Variants in NALF1 observed in about 807,000 individuals in gnomAD.
NALF1 encodes the protein NALCN channel auxiliary factor 1, also known as family with sequence similarity 155 member A.
A neutral mutation model predicts 48.4 loss-of-function variants in NALF1; 3 were observed. The ratio of observed to expected loss-of-function variants is 0.06; its 90% CI spans 0.03 to 0.16. The LOEUF (loss-of-function observed/expected upper bound fraction) is 0.16, where lower values mean the gene tolerates loss of function less well. Among genes scored for constraint, NALF1 ranks in the 10% least tolerant of loss-of-function variants. The probability of loss-of-function intolerance (pLI) is 1.00; values close to 1 mark genes in which losing one functional copy is unlikely to be tolerated. For synonymous variants in NALF1, 262 were observed against 245.7 expected (o/e 1.07, Z -0.62); for missense variants, 526 against 571.5 (o/e 0.92, Z 0.81).
intron 1 of NALF1, among the ~76,000 whole-genome samples, chr13:107,625,765 C>T (rs1282975261): frequency 2.0e-5 from 3 of 152,104 alleles, no homozygotes; most frequent in Non-Finnish European, 4.4e-5. Context: ...ACTGGAGCTA[C>T]ACTACACCAA....
chr13:107,693,493 A>C (rs1881621587), intron 1 of NALF1, among the ~76,000 whole-genome samples: 1 of 152,166 alleles, frequency 6.6e-6, no homozygotes, highest in Non-Finnish European at 1.5e-5. Context: ...ATAAAAAAAC[A>C]GTATACTTCT....
rs56053087 is a variant in NALF1, at chr13:107,593,818, G to GAAAAAA, written c.915+271858_915+271863dup. Among the ~76,000 whole-genome samples, 226 of 146,274 alleles carry GAAAAAA rather than the reference G, an allele frequency of 1.5e-3. 1 individual carries two copies. The highest frequency in any genetic ancestry group is 5.3e-3 in the African/African-American group (213 of 40,088). ...ACTGCTTCTGGAATGTTTTCAACAG[G>GAAAAAA]AAAAAAAAAAAAACAGAAACGGAAA... On this transcript the variant is annotated intron_variant, in intron 1 of 2. Transcript: ENST00000375915.
intron 1 of NALF1, among the ~76,000 whole-genome samples, chr13:107,645,869 T>C (rs1268534065): frequency 6.6e-6 from 1 of 152,140 alleles, no homozygotes; most frequent in Non-Finnish European, 1.5e-5. Context: ...CCGAGTATCA[T>C]AGCAAAATTC....
At chr13:107,325,489 A>C (rs939764914) in intron 1 of NALF1, among the ~76,000 whole-genome samples, 2 of 152,090 alleles carry the variant, frequency 1.3e-5, no homozygotes, top group Admixed American at 1.3e-4. Context: ...CAAATGGAAG[A>C]CTTGATTTTT....
chr13:107,439,359 C>T (rs1419990023), intron 1 of NALF1, among the ~76,000 whole-genome samples: 1 of 152,236 alleles, frequency 6.6e-6, no homozygotes, highest in Non-Finnish European at 1.5e-5. Context: ...AGGACCAGCA[C>T]TAACAAACCT....
intron 1 of NALF1, among the ~76,000 whole-genome samples, chr13:107,856,311 A>G (rs16971349): frequency 0.039 from 5,958 of 152,296 alleles, 283 homozygotes; most frequent in East Asian, 0.23. Flanking sequence ...TGTGAAACCA[A>G]TGGAGAAAGG....
At chr13:107,387,333 C>T (rs1231018504) in intron 1 of NALF1, among the ~76,000 whole-genome samples, 1 of 152,116 alleles carries the variant, frequency 6.6e-6, no homozygotes, top group Admixed American at 6.6e-5. Flanking sequence ...GCTTCCGTCC[C>T]AAGTTCAACC....
intron 1 of NALF1, among the ~76,000 whole-genome samples, chr13:107,280,662 T>C (rs975586587): frequency 6.6e-6 from 1 of 152,226 alleles, no homozygotes; most frequent in African/African-American, 2.4e-5. Context: ...TTTATTTTCA[T>C]GAAAACTCAA....
chr13:107,625,781 C>T (rs1161015619), intron 1 of NALF1, among the ~76,000 whole-genome samples: 1 of 152,022 alleles, frequency 6.6e-6, no homozygotes, highest in Non-Finnish European at 1.5e-5. Context: ...ACCAACAAAA[C>T]CTGTTGAAAA....
At chr13:107,795,448 C>G (rs2138591124) in intron 1 of NALF1, among the ~76,000 whole-genome samples, 1 of 152,226 alleles carries the variant, frequency 6.6e-6, no homozygotes, top group East Asian at 1.9e-4. Flanking sequence ...GTCCATCCCT[C>G]TCTAGTTTAA....
intron 1 of NALF1, among the ~76,000 whole-genome samples, chr13:107,215,984 T>C (rs1282839408): frequency 6.6e-6 from 1 of 152,250 alleles, no homozygotes; most frequent in Non-Finnish European, 1.5e-5. Flanking sequence ...TCATGTTGGC[T>C]ATATATTTTA....
intron 1 of NALF1, among the ~76,000 whole-genome samples, chr13:107,438,012 A>G (rs1007715044): frequency 1.3e-5 from 2 of 152,242 alleles, no homozygotes; most frequent in Non-Finnish European, 2.9e-5. Context: ...TGTTAATTAT[A>G]TAACATATGT....
At chr13:107,290,382 T>C (rs1881596532) in intron 1 of NALF1, among the ~76,000 whole-genome samples, 1 of 152,162 alleles carries the variant, frequency 6.6e-6, no homozygotes, top group South Asian at 2.1e-4. Context: ...TCTTGAATTG[T>C]AGTTCACATA....
chr13:107,521,188 G>C (rs935895723), intron 1 of NALF1, among the ~76,000 whole-genome samples: 1 of 152,034 alleles, frequency 6.6e-6, no homozygotes, highest in Non-Finnish European at 1.5e-5. Flanking sequence ...ATGCATCCAT[G>C]AGGACAAAAT....
chr13:107,415,997 A>G (rs2139004618), intron 1 of NALF1, among the ~76,000 whole-genome samples: 1 of 148,712 alleles, frequency 6.7e-6, no homozygotes, highest in Admixed American at 6.9e-5. Context: ...GACCACTTAT[A>G]TGCAGATTTT....
At chr13:107,481,315 A>G (rs1407404616) in intron 1 of NALF1, among the ~76,000 whole-genome samples, 2 of 152,196 alleles carry the variant, frequency 1.3e-5, no homozygotes, top group East Asian at 3.9e-4. Flanking sequence ...TGCCGAATAA[A>G]TGACATACTA....
chr13:107,767,585 G>C (rs774659681), intron 1 of NALF1, among the ~76,000 whole-genome samples: 7 of 152,186 alleles, frequency 4.6e-5, no homozygotes, highest in Non-Finnish European at 7.4e-5. Flanking sequence ...GTATCTGAAA[G>C]TTAGGGGAAA....
rs544547482 is a variant in NALF1 at position 107,537,591 on chromosome 13, T to C, written c.916-326836A>G. On this transcript the variant is annotated intron_variant, in intron 1 of 2. Coordinates refer to ENST00000375915, the MANE Select transcript of NALF1 (RefSeq NM_001080396.3). ...GAAACTCAAAAGCCTTCAGGGACCA[T>C]CCAGACAATAAGAATGAGAAGCAAA... 4.6e-5 allele frequency among the ~76,000 whole-genome samples: 7 copies of C among 152,166 alleles called. No homozygotes were observed. In the South Asian group the frequency reaches 1.2e-3, roughly 27 times the overall value.
At chr13:107,361,774 T>C (rs1367557714) in intron 1 of NALF1, among the ~76,000 whole-genome samples, 2 of 152,218 alleles carry the variant, frequency 1.3e-5, no homozygotes, top group Non-Finnish European at 2.9e-5. Context: ...AGTTAAGCCA[T>C]TATCAAATAC....
Sources: gnomAD v4.1 joint callset for allele counts (sites outside exome capture counted in the v4.1 genomes callset) on GRCh38, gnomAD v4.1.1 for gene constraint, MANE v1.5 for transcripts, NCBI Gene and HGNC (gene_info 2026-07-23, HGNC 2026-07-21) for gene names.